The following CELF2 variants were observed in gnomAD, a reference collection of about 807,000 sequenced individuals.
CELF2 encodes CUGBP Elav-like family member 2.
In CELF2, 8 loss-of-function variants were observed where a neutral mutation model predicts 62.6. That is an observed-to-expected ratio of 0.13 (90% confidence interval 0.07 to 0.23). The LOEUF is 0.23. Among genes scored for constraint, CELF2 ranks in the 10% least tolerant of loss-of-function variants. CELF2 has a pLI of 1.00. For synonymous variants in CELF2, 258 were observed against 250.0 expected (o/e 1.03, Z -0.30); for missense variants, 333 against 671.0 (o/e 0.50, Z 5.56).
At chr10:10,538,021 A>G in the CELF2 span, among the ~76,000 whole-genome samples, 1 of 152,090 alleles carries the variant, frequency 6.6e-6, no homozygotes, top group Non-Finnish European at 1.5e-5. Context: ...GGTTATGGGC[A>G]AAAGGGGAAA....
the CELF2 span, among the ~76,000 whole-genome samples, chr10:10,616,527 T>C: frequency 2.0e-5 from 3 of 151,930 alleles, no homozygotes; most frequent in African/African-American, 7.3e-5. Flanking sequence ...ATAAATGGGA[T>C]TCTATAGAAA....
intron 2 of CELF2, among the ~76,000 whole-genome samples, chr10:10,994,228 G>A (rs977200925): frequency 6.6e-6 from 1 of 152,138 alleles, no homozygotes; most frequent in African/African-American, 2.4e-5. Flanking sequence ...TCTTTCTCTT[G>A]TTCCACCATG....
intron 2 of CELF2, among the ~76,000 whole-genome samples, chr10:10,974,597 A>G (rs2051125125): frequency 6.6e-6 from 1 of 152,256 alleles, no homozygotes; most frequent in African/African-American, 2.4e-5. Context: ...GGTTTTAAAC[A>G]GCCTAGGCTA....
intron 4 of CELF2, among the ~76,000 whole-genome samples, chr10:11,254,038 T>C (rs2077954712): frequency 6.6e-6 from 1 of 152,208 alleles, no homozygotes; most frequent in Non-Finnish European, 1.5e-5. Flanking sequence ...AGATACTTAG[T>C]GCCCGTGAAT....
chr10:10,863,526 G>A (rs2060169518), intron 1 of CELF2, among the ~76,000 whole-genome samples: 1 of 152,128 alleles, frequency 6.6e-6, no homozygotes, highest in Non-Finnish European at 1.5e-5. Flanking sequence ...CTATCAAATG[G>A]GGCTAGGGTG....
intron 2 of CELF2, among the ~76,000 whole-genome samples, chr10:11,215,226 C>T (rs2063005785): frequency 6.6e-6 from 1 of 152,214 alleles, no homozygotes; most frequent in Non-Finnish European, 1.5e-5. Flanking sequence ...GCTTGGGTGT[C>T]TGAGGCAGGA....
chr10:11,021,464 G>A (rs912644896), intron 1 of CELF2, among the ~76,000 whole-genome samples: 4 of 152,072 alleles, frequency 2.6e-5, no homozygotes, highest in Non-Finnish European at 5.9e-5. Context: ...AGCTGAAAAG[G>A]GCTTTAGAGA....
the CELF2 span, among the ~76,000 whole-genome samples, chr10:10,781,235 C>CT: frequency 2.0e-5 from 3 of 152,088 alleles, no homozygotes; most frequent in Admixed American, 1.3e-4. Flanking sequence ...ATATTTTTAC[C>CT]TTTTTTATGT....
At chr10:11,266,462 T>G in intron 5 of CELF2, 136 bp from the exon 6 acceptor site, 1 of 534,370 alleles carries the variant, frequency 1.9e-6, no homozygotes. Flanking sequence ...AGAGAAGTTG[T>G]TTTATTTTTA....
chr10:10,699,615 C>T, the CELF2 span, among the ~76,000 whole-genome samples: 239 of 152,096 alleles, frequency 1.6e-3, no homozygotes, highest in African/African-American at 5.4e-3. Context: ...GAGGAGGTGA[C>T]GGGTGAGGAA....
At chr10:10,635,637 CAT>C in the CELF2 span, among the ~76,000 whole-genome samples, 2 of 152,112 alleles carry the variant, frequency 1.3e-5, no homozygotes, top group Admixed American at 1.3e-4. Context: ...TATATAGATA[CAT>C]GTTTCTTTAC....
At chr10:11,263,580 A>G (rs1251250039) in intron 5 of CELF2, among the ~76,000 whole-genome samples, 1 of 152,190 alleles carries the variant, frequency 6.6e-6, no homozygotes, top group Non-Finnish European at 1.5e-5. Context: ...AGACCCAGTG[A>G]ACACCACCGC....
rs527462097 is a variant in CELF2 at position 10,836,836 on chromosome 10, C to T, written c.53+38019C>T. Among the ~76,000 whole-genome samples the T allele has an allele frequency of 4.2e-4, 64 of 152,204 alleles. 1 individual carries two copies. The South Asian group carries it at 0.012, about 29-fold the overall frequency. ...ATTTTTAATAGAGATGGGGTTTCAC[C>T]GCGTTAGCCAGGATGGTCTTGACCT... is the stretch of plus-strand genomic sequence containing the variant. On this transcript the variant is annotated intron_variant, in intron 1 of 13. Coordinates refer to the CELF2 transcript ENST00000636488.
At chr10:10,506,021 A>T in the CELF2 span, among the ~76,000 whole-genome samples, 1 of 152,310 alleles carries the variant, frequency 6.6e-6, no homozygotes, top group Middle Eastern at 3.4e-3. Context: ...ATATAGACAA[A>T]GGAATAAGGA....
At chr10:10,485,189 A>G in the CELF2 span, among the ~76,000 whole-genome samples, 1 of 152,206 alleles carries the variant, frequency 6.6e-6, no homozygotes, top group African/African-American at 2.4e-5. Context: ...TATTGCTAAG[A>G]TAAAATTCAT....
At chr10:11,042,179 T>C (rs1318789664) in intron 1 of CELF2, among the ~76,000 whole-genome samples, 1 of 152,226 alleles carries the variant, frequency 6.6e-6, no homozygotes, top group African/African-American at 2.4e-5. Flanking sequence ...GAAACTTACA[T>C]TTATCTCCTT....
At chr10:11,298,816 C>T (rs937203671) in intron 9 of CELF2, among the ~76,000 whole-genome samples, 2 of 151,970 alleles carry the variant, frequency 1.3e-5, no homozygotes, top group Non-Finnish European at 2.9e-5. Flanking sequence ...TACCACAGCT[C>T]TGGAGAACAG....
intron 1 of CELF2, among the ~76,000 whole-genome samples, chr10:11,114,436 G>A (rs1612448): frequency 0.14 from 21,638 of 152,170 alleles, 2,810 homozygotes; most frequent in East Asian, 0.64. Flanking sequence ...TAGATGCTGT[G>A]TCATATCTTT....
At chr10:11,295,355 G>A (rs17454012) in intron 9 of CELF2, among the ~76,000 whole-genome samples, 23,264 of 152,178 alleles carry the variant, frequency 0.15, 1,884 homozygotes, top group Middle Eastern at 0.21. Flanking sequence ...TAAGAAAAGC[G>A]TCATTTTACT....
Sources: allele counts gnomAD v4.1 joint callset (sites outside exome capture counted in the v4.1 genomes callset), GRCh38; gene constraint gnomAD v4.1.1; transcripts MANE v1.5; gene names NCBI Gene and HGNC (gene_info 2026-07-23, HGNC 2026-07-21).